The following MTAP variants were observed in gnomAD, a reference collection of about 807,000 sequenced individuals.
The protein encoded by MTAP is methylthioadenosine phosphorylase.
Under a neutral mutation model 33.6 loss-of-function variants are expected in MTAP, and 33 were observed. The ratio of observed to expected loss-of-function variants is 0.98; its 90% CI spans 0.74 to 1.31. MTAP has a LOEUF of 1.31. Among genes scored for constraint, MTAP ranks in the 40% most tolerant of loss-of-function variants. The probability of loss-of-function intolerance (pLI) is 0.00; values close to 1 mark genes in which losing one functional copy is unlikely to be tolerated. For synonymous variants in MTAP, 148 were observed against 125.7 expected (o/e 1.18, Z -1.19); for missense variants, 367 against 360.0 (o/e 1.02, Z -0.16).
chr9:21,831,189 CAG>C (rs1420920426), intron 4 of MTAP, among the ~76,000 whole-genome samples: 1 of 152,174 alleles, frequency 6.6e-6, no homozygotes, highest in African/African-American at 2.4e-5. Flanking sequence ...GATACATGGA[CAG>C]GGGATTCCAG....
intron 3 of MTAP, among the ~76,000 whole-genome samples, chr9:21,817,796 A>C (rs1023026253): frequency 6.6e-6 from 1 of 152,098 alleles, no homozygotes; most frequent in Non-Finnish European, 1.5e-5. Context: ...ACAGAGCATG[A>C]CAGTGGGGTC....
chr9:21,934,798 T>C (rs1370972291), downstream of MTAP: 3 of 152,088 alleles, frequency 2.0e-5, no homozygotes, highest in Non-Finnish European at 4.4e-5. The surrounding 1 kb of genome is among the most constrained non-coding windows in gnomAD (Gnocchi z 5.0). Flanking sequence ...CCTCCCGGGT[T>C]CAAGCGATTC....
chr9:21,813,953 C>T (rs1336578476), intron 1 of MTAP: 2 of 152,326 alleles, frequency 1.3e-5, no homozygotes, highest in East Asian at 3.9e-4. Flanking sequence ...GTGAACACTT[C>T]TGTTGATTTG....
chr9:21,806,579 C>A (rs1443496337), intron 1 of MTAP, among the ~76,000 whole-genome samples: 1 of 151,956 alleles, frequency 6.6e-6, no homozygotes, highest in East Asian at 1.9e-4. Flanking sequence ...TTCAAGCAAT[C>A]TTTTTTGTGG....
chr9:21,901,648 T>C (rs1563864618), intron 1 of MTAP, among the ~76,000 whole-genome samples: 1 of 151,764 alleles, frequency 6.6e-6, no homozygotes, highest in Non-Finnish European at 1.5e-5. Context: ...GTGTATGGAG[T>C]TTTTAAAAAA....
chr9:21,910,064 TA>T (rs1236776811), intron 1 of MTAP, among the ~76,000 whole-genome samples: 2 of 152,190 alleles, frequency 1.3e-5, no homozygotes, highest in African/African-American at 4.8e-5. Context: ...TGTCAACTTT[TA>T]AGTATTCAAA....
intron 6 of MTAP, chr9:21,856,261 C>T (rs1394764329): frequency 1.3e-6 from 1 of 774,224 alleles, no homozygotes; most frequent in Non-Finnish European, 1.6e-6. Context: ...TATTGTACCA[C>T]CGTTTTAGAG....
intron 1 of MTAP, among the ~76,000 whole-genome samples, chr9:21,901,908 T>A (rs1818399051): frequency 1.3e-5 from 2 of 152,204 alleles, no homozygotes; most frequent in Admixed American, 1.3e-4. Context: ...TTTGTTTGAG[T>A]TTTCTAGCTG....
At position 21,863,141 on chromosome 9, in the gene MTAP, G is replaced by A. The variant is rs1252824638; in HGVS notation, c.*1127G>A. On this transcript the variant is annotated 3_prime_UTR_variant, in exon 8 of 8. Coordinates refer to ENST00000644715, the MANE Select transcript of MTAP (RefSeq NM_002451.4). The stretch of plus-strand genomic sequence containing the variant: ...TAGGTGTTTAATAGTTTAACTGAAA[G>A]TTTAACTATTTAAAAGACTAAATGC... The A allele has an allele frequency of 6.1e-6, 6 of 976,994 alleles. No individual in the cohort carries two copies. The African/African-American group carries it at 1.1e-4, about 17-fold the overall frequency. 60.5% of individuals were successfully genotyped at this position (976,994 alleles called of 1,614,324 possible).
chr9:21,815,850 GT>G (rs987464302), intron 2 of MTAP, among the ~76,000 whole-genome samples: 2 of 152,154 alleles, frequency 1.3e-5, no homozygotes, highest in African/African-American at 4.8e-5. Context: ...CTTCTAATTT[GT>G]GGCCAATAGG....
intron 4 of MTAP, among the ~76,000 whole-genome samples, chr9:21,825,180 C>G (rs376569680): frequency 6.6e-6 from 1 of 152,192 alleles, no homozygotes; most frequent in Non-Finnish European, 1.5e-5. Context: ...AATCACCTGT[C>G]TTCTGCATTG....
At chr9:21,878,831 G>C (rs1467505597) in intron 1 of MTAP, among the ~76,000 whole-genome samples, 1 of 152,156 alleles carries the variant, frequency 6.6e-6, no homozygotes, top group East Asian at 1.9e-4. Context: ...TCATTCAGGA[G>C]CAGGTTGTTT....
intron 3 of MTAP, 61 bp from the exon 4 acceptor site, chr9:21,817,962 TTTCTAGACTCTA>T: frequency 7.1e-7 from 1 of 1,415,764 alleles, no homozygotes; most frequent in Non-Finnish European, 9.4e-7. Flanking sequence ...CACTTAATTT[TTTCTAGACTCTA>T]GGAGAAAACA....
chr9:21,872,622 C>T (rs929057728), intron 1 of MTAP, among the ~76,000 whole-genome samples: 1 of 152,152 alleles, frequency 6.6e-6, no homozygotes, highest in South Asian at 2.1e-4. Context: ...TTATTTTTCC[C>T]TTTTGCATAG....
intron 1 of MTAP, among the ~76,000 whole-genome samples, chr9:21,891,351 A>G (rs1818197561): frequency 6.6e-6 from 1 of 152,220 alleles, no homozygotes; most frequent in African/African-American, 2.4e-5. Flanking sequence ...TATCATTGAG[A>G]TTCAGGAGAA....
chr9:21,881,214 G>C (rs998895057), intron 1 of MTAP, among the ~76,000 whole-genome samples: 1 of 152,102 alleles, frequency 6.6e-6, no homozygotes, highest in East Asian at 1.9e-4. Context: ...AAATGCAAAA[G>C]AATGAAGTTG....
rs182369233 is a variant in MTAP, at chr9:21,923,362, A to G, written c.148-7646A>G. On this transcript the variant is annotated intron_variant, in intron 1 of 1. Transcript: ENST00000577563. The stretch of plus-strand genomic sequence containing the variant: ...CTGTGGTTCTTTAAGGATCTCACCT[A>G]CTTGCTTTTTTTGAGTTAGCACCCC... Among the ~76,000 whole-genome samples, 19 of 152,162 alleles carry G rather than the reference A, an allele frequency of 1.2e-4. 1 individual carries two copies. In the South Asian group the frequency reaches 3.7e-3, roughly 30 times the overall value.
At chr9:21,911,916 C>A (rs1818584359) in intron 1 of MTAP, among the ~76,000 whole-genome samples, 1 of 152,072 alleles carries the variant, frequency 6.6e-6, no homozygotes. Context: ...AGAGAAGAAT[C>A]AAATAGATGA....
At chr9:21,882,179 A>C (rs1818023021) in intron 1 of MTAP, among the ~76,000 whole-genome samples, 1 of 151,990 alleles carries the variant, frequency 6.6e-6, no homozygotes, top group African/African-American at 2.4e-5. Context: ...ACTCATCACC[A>C]TATTAAAAAA....
Sources: gnomAD v4.1 joint callset for allele counts (sites outside exome capture counted in the v4.1 genomes callset) on GRCh38, gnomAD v4.1.1 for gene constraint, Gnocchi (gnomAD v3.1) non-coding constraint, MANE v1.5 for transcripts, NCBI Gene and HGNC (gene_info 2026-07-23, HGNC 2026-07-21) for gene names.